Variants in LRRC49 observed in about 807,000 individuals in gnomAD.
LRRC49 encodes leucine rich repeat containing 49, also known as leucine-rich repeat-containing protein 49.
Under a neutral mutation model 83.3 loss-of-function variants are expected in LRRC49, and 50 were observed. The observed-to-expected ratio is 0.60, with a 90% confidence interval of 0.48 to 0.76. LRRC49 has a LOEUF of 0.76. Among genes scored for constraint, LRRC49 ranks in the 30% least tolerant of loss-of-function variants. The pLI is 0.00. For synonymous variants in LRRC49, 286 were observed against 283.3 expected, an observed-to-expected ratio of 1.01 and a Z score of -0.10; for missense variants, 704 against 809.1, an observed-to-expected ratio of 0.87 and a Z score of 1.58.
intron 1 of LRRC49, among the ~76,000 whole-genome samples, chr15:70,864,539 T>G (rs569890966): frequency 7.9e-4 from 121 of 152,314 alleles, no homozygotes; most frequent in African/African-American, 2.8e-3. Flanking sequence ...CTCCCTCTGC[T>G]CTGGCCATAC....
intron 2 of LRRC49, among the ~76,000 whole-genome samples, chr15:70,883,757 C>T (rs1021990202): frequency 1.3e-5 from 2 of 150,972 alleles, no homozygotes; most frequent in Non-Finnish European, 3.0e-5. Flanking sequence ...CGGGTTCAAG[C>T]AATTGTCGTG....
intron 2 of LRRC49, among the ~76,000 whole-genome samples, chr15:70,887,240 A>G (rs1469281281): frequency 6.6e-6 from 1 of 152,134 alleles, no homozygotes; most frequent in Non-Finnish European, 1.5e-5. Context: ...TTTCCAGAGA[A>G]TGAAAAAAGA....
At chr15:70,913,171 G>T (rs1301958802) in intron 6 of LRRC49, among the ~76,000 whole-genome samples, 1 of 152,172 alleles carries the variant, frequency 6.6e-6, no homozygotes, top group Non-Finnish European at 1.5e-5. Context: ...GGGATGATCG[G>T]GGAATCCCTG....
intron 3 of LRRC49, among the ~76,000 whole-genome samples, chr15:70,897,879 T>A (rs1297989122): frequency 6.6e-6 from 1 of 152,210 alleles, no homozygotes; most frequent in African/African-American, 2.4e-5. Context: ...ATAATAAAAT[T>A]TCAGTTAACC....
chr15:70,940,166 C>G (rs538960818), intron 8 of LRRC49, among the ~76,000 whole-genome samples: 1 of 151,718 alleles, frequency 6.6e-6, no homozygotes, highest in African/African-American at 2.4e-5. Context: ...ATTTAGGAAA[C>G]CTTAAACTGC....
chr15:70,892,513 G>A (rs2033624347), upstream of LRRC49: 2 of 1,523,126 alleles, frequency 1.3e-6, no homozygotes, highest in Non-Finnish European at 1.8e-6. Flanking sequence ...GTGGACACAA[G>A]CAGAGGGATA....
At chr15:70,983,248 C>G (rs1400134834) in intron 10 of LRRC49, among the ~76,000 whole-genome samples, 1 of 151,954 alleles carries the variant, frequency 6.6e-6, no homozygotes, top group African/African-American at 2.4e-5. Flanking sequence ...TAGTCTAGAT[C>G]TGCTTTTTCA....
chr15:71,033,637 A>C (rs1272193869), intron 14 of LRRC49, among the ~76,000 whole-genome samples: 2 of 152,210 alleles, frequency 1.3e-5, no homozygotes, highest in Non-Finnish European at 1.5e-5. Context: ...ACTTCAAACT[A>C]TACTACAAGG....
intron 7 of LRRC49, among the ~76,000 whole-genome samples, chr15:70,920,802 G>A (rs919030316): frequency 6.6e-6 from 1 of 152,104 alleles, no homozygotes; most frequent in Non-Finnish European, 1.5e-5. Flanking sequence ...ACAGTCAATT[G>A]TGAAATTTGC....
intron 1 of LRRC49, among the ~76,000 whole-genome samples, chr15:70,862,561 G>C (rs1367042006): frequency 8.0e-6 from 1 of 124,654 alleles, no homozygotes. Flanking sequence ...CTGGGCGACA[G>C]AGCAAGACTC....
exon 2 of LRRC49, chr15:70,872,976 C>G: frequency 1.8e-6 from 1 of 546,826 alleles, no homozygotes. Context: ...ACCTCCACCT[C>G]CCAGGTTCAA....
intron 14 of LRRC49, among the ~76,000 whole-genome samples, chr15:71,017,587 T>C (rs2038866145): frequency 6.6e-6 from 1 of 151,854 alleles, no homozygotes; most frequent in African/African-American, 2.4e-5. Context: ...AGAAGAAATA[T>C]GAATAGCCAG....
chr15:71,003,235 T>C (rs2038330594), intron 11 of LRRC49, among the ~76,000 whole-genome samples: 1 of 152,106 alleles, frequency 6.6e-6, no homozygotes, highest in African/African-American at 2.4e-5. Context: ...GTGCCCAGCC[T>C]CCTGACTTAT....
intron 8 of LRRC49, among the ~76,000 whole-genome samples, chr15:70,946,911 A>T (rs1442418972): frequency 1.3e-5 from 2 of 151,746 alleles, no homozygotes; most frequent in African/African-American, 4.8e-5. Context: ...CTTTTTTTTC[A>T]TAAAACTTCC....
At chr15:70,927,878 G>T (rs1340563952) in intron 7 of LRRC49, among the ~76,000 whole-genome samples, 1 of 152,044 alleles carries the variant, frequency 6.6e-6, no homozygotes, top group South Asian at 2.1e-4. Context: ...AAACACCTGG[G>T]CTCAAGTGAT....
intron 3 of LRRC49, among the ~76,000 whole-genome samples, chr15:70,898,114 A>G (rs2033914720): frequency 6.6e-6 from 1 of 152,112 alleles, no homozygotes; most frequent in Admixed American, 6.5e-5. Flanking sequence ...CCATCTGTTC[A>G]TTTATCTATC....
At chr15:70,964,901 G>A in intron 9 of LRRC49, among the ~76,000 whole-genome samples, 1 of 152,244 alleles carries the variant, frequency 6.6e-6, no homozygotes, top group South Asian at 2.1e-4. Context: ...ATCACAATGT[G>A]TGCAGTTTTC....
At chr15:70,861,035 T>C (rs1468542832) in intron 1 of LRRC49, among the ~76,000 whole-genome samples, 1 of 152,212 alleles carries the variant, frequency 6.6e-6, no homozygotes, top group Non-Finnish European at 1.5e-5. Flanking sequence ...AAACACGCTC[T>C]GGATTTGTTT....
At chr15:70,904,185 A>AG (rs749495778) in intron 4 of LRRC49, among the ~76,000 whole-genome samples, 6 of 152,200 alleles carry the variant, frequency 3.9e-5, no homozygotes, top group Non-Finnish European at 7.4e-5. Flanking sequence ...ATTGATGCCA[A>AG]GGGCATTTGT....
Sources: gnomAD v4.1 joint callset for allele counts (sites outside exome capture counted in the v4.1 genomes callset) on GRCh38, gnomAD v4.1.1 for gene constraint, MANE v1.5 for transcripts, NCBI Gene and HGNC (gene_info 2026-07-23, HGNC 2026-07-21) for gene names.